The following NKAIN2 variants were observed in gnomAD, a reference collection of about 807,000 sequenced individuals.
The protein encoded by NKAIN2 is sodium/potassium transporting ATPase interacting 2, also known as sodium/potassium-transporting ATPase subunit beta-1-interacting protein 2.
NKAIN2 carries 14 observed loss-of-function variants against 32.6 expected under a neutral mutation model. The observed-to-expected ratio is 0.43, with a 90% confidence interval of 0.28 to 0.67. The LOEUF is 0.67. Ranked by LOEUF, NKAIN2 falls within the 30% of genes least tolerant of loss-of-function variation. NKAIN2 has a pLI of 0.17. For synonymous variants in NKAIN2, 80 were observed against 87.2 expected (o/e 0.92, Z 0.46); for missense variants, 198 against 258.3 (o/e 0.77, Z 1.60).
chr6:124,510,465 G>A (rs958782208), intron 3 of NKAIN2, among the ~76,000 whole-genome samples: 10 of 152,084 alleles, frequency 6.6e-5, no homozygotes, highest in African/African-American at 1.4e-4. Context: ...GCTTAAATGC[G>A]TGCTTTCTCA....
chr6:124,179,305 C>T (rs1027342531), intron 1 of NKAIN2, among the ~76,000 whole-genome samples: 1 of 152,120 alleles, frequency 6.6e-6, no homozygotes, highest in Non-Finnish European at 1.5e-5. Flanking sequence ...TTTACTGTCT[C>T]ATTTAACACT....
At position 124,527,234 on chromosome 6, in the gene NKAIN2, C is replaced by T. The variant is rs139510608; in HGVS notation, c.274-130952C>T. Among the ~76,000 whole-genome samples, 517 of 152,190 alleles carry T rather than the reference C, an allele frequency of 3.4e-3. 4 individuals are homozygous for T. The highest frequency in any genetic ancestry group is 0.015 in the South Asian group (71 of 4,816). On this transcript the variant is annotated intron_variant, in intron 3 of 6. Coordinates refer to ENST00000368417, the MANE Select transcript of NKAIN2 (RefSeq NM_001040214.3). ...ACAAGCCACAAAGATATATATACTC[C>T]GTAACTTGGATTATTGTTCCTTTGT... is the stretch of plus-strand genomic sequence containing the variant.
intron 3 of NKAIN2, among the ~76,000 whole-genome samples, chr6:124,370,568 A>G (rs910643344): frequency 1.3e-5 from 2 of 152,166 alleles, no homozygotes; most frequent in African/African-American, 4.8e-5. Flanking sequence ...TGAAGTAATT[A>G]GGAGCTACGT....
chr6:124,709,900 C>A (rs1487458055), intron 4 of NKAIN2, among the ~76,000 whole-genome samples: 1 of 152,040 alleles, frequency 6.6e-6, no homozygotes, highest in African/African-American at 2.4e-5. Context: ...TCTTGCTTTT[C>A]TAATTCTTTT....
intron 1 of NKAIN2, among the ~76,000 whole-genome samples, chr6:124,192,190 C>T (rs1363543521): frequency 3.3e-5 from 5 of 152,030 alleles, no homozygotes; most frequent in Non-Finnish European, 7.4e-5. Context: ...AATTAGGTCA[C>T]TGCTTTAAAT....
chr6:124,069,158 G>A (rs184728375), intron 1 of NKAIN2, among the ~76,000 whole-genome samples: 392 of 152,172 alleles, frequency 2.6e-3, no homozygotes, highest in Non-Finnish European at 4.4e-3. Flanking sequence ...TCATGTTTCT[G>A]TATTTTACTT....
chr6:124,663,374 T>C (rs1019544084), intron 4 of NKAIN2, among the ~76,000 whole-genome samples: 8 of 151,748 alleles, frequency 5.3e-5, no homozygotes, highest in Non-Finnish European at 1.2e-4. Context: ...GAGGTTGCAG[T>C]GAGCCGAGAT....
chr6:123,814,153 G>A (rs1217738081), intron 1 of NKAIN2, among the ~76,000 whole-genome samples: 1 of 152,144 alleles, frequency 6.6e-6, no homozygotes, highest in African/African-American at 2.4e-5. Flanking sequence ...AAGGCAGGGG[G>A]TGGAGGGATG....
intron 3 of NKAIN2, among the ~76,000 whole-genome samples, chr6:124,538,803 G>A (rs911718409): frequency 7.9e-5 from 12 of 151,804 alleles, no homozygotes; most frequent in East Asian, 1.9e-4. Context: ...TTTCTCATTC[G>A]CTCGGTTTAA....
chr6:124,463,095 C>T (rs968677918), intron 3 of NKAIN2, among the ~76,000 whole-genome samples: 1 of 151,942 alleles, frequency 6.6e-6, no homozygotes, highest in African/African-American at 2.4e-5. Context: ...GAATCAGTTA[C>T]CATTCAAAAG....
chr6:124,510,888 T>C (rs1205856936), intron 3 of NKAIN2, among the ~76,000 whole-genome samples: 1 of 152,236 alleles, frequency 6.6e-6, no homozygotes, highest in Non-Finnish European at 1.5e-5. Flanking sequence ...TCATTTTTTC[T>C]AACATTACCT....
In NKAIN2 at chr6:124,387,294, GTTTT is replaced by G. The variant is rs5879731; in HGVS notation, c.273+31960_273+31963del. Among the ~76,000 whole-genome samples the G allele has an allele frequency of 1.2e-3, 172 of 146,472 alleles. 2 individuals are homozygous for G. The highest frequency in any genetic ancestry group is 5.7e-4 in the Non-Finnish European group (38 of 66,170). ...AAAAAAAGTTTGGACCTAATTAAAG[GTTTT>G]TTTTTTTTTTTTAATCACTGTACTT... On this transcript the variant is annotated intron_variant, in intron 3 of 6. Coordinates refer to ENST00000368417, the MANE Select transcript of NKAIN2 (RefSeq NM_001040214.3).
intron 1 of NKAIN2, among the ~76,000 whole-genome samples, chr6:123,947,822 C>A (rs1036320351): frequency 1.3e-5 from 2 of 152,032 alleles, no homozygotes; most frequent in African/African-American, 4.8e-5. Flanking sequence ...ACTATAGTCA[C>A]CCTACTCTGC....
intron 1 of NKAIN2, among the ~76,000 whole-genome samples, chr6:123,897,610 G>A (rs1243580262): frequency 6.6e-6 from 1 of 152,032 alleles, no homozygotes; most frequent in Non-Finnish European, 1.5e-5. Context: ...CTTTGTGGCT[G>A]GCATGCTTTC....
chr6:124,256,346 T>C (rs1793929393), intron 1 of NKAIN2, among the ~76,000 whole-genome samples: 1 of 152,206 alleles, frequency 6.6e-6, no homozygotes, highest in Non-Finnish European at 1.5e-5. Flanking sequence ...ATATGTGTAA[T>C]TCATAAACTT....
intron 3 of NKAIN2, among the ~76,000 whole-genome samples, chr6:124,365,835 G>A (rs926098506): frequency 1.3e-5 from 2 of 151,956 alleles, no homozygotes; most frequent in African/African-American, 4.8e-5. Context: ...ATAGAATTAA[G>A]CTAGAAAATC....
chr6:124,377,142 G>A (rs1800027692), intron 3 of NKAIN2, among the ~76,000 whole-genome samples: 1 of 152,106 alleles, frequency 6.6e-6, no homozygotes, highest in Non-Finnish European at 1.5e-5. Context: ...ACTAAAAATG[G>A]GTGATATTTA....
intron 3 of NKAIN2, among the ~76,000 whole-genome samples, chr6:124,656,412 C>A (rs547896096): frequency 6.6e-6 from 1 of 151,660 alleles, no homozygotes; most frequent in Non-Finnish European, 1.5e-5. Context: ...CTAACTAACC[C>A]CATCCCTATC....
At chr6:124,340,785 T>A (rs1012992058) in intron 2 of NKAIN2, among the ~76,000 whole-genome samples, 20 of 152,200 alleles carry the variant, frequency 1.3e-4, no homozygotes, top group African/African-American at 4.8e-4. Flanking sequence ...TAATTTATAA[T>A]TGTAGGTGTT....
Sources: allele counts gnomAD v4.1 joint callset (sites outside exome capture counted in the v4.1 genomes callset), GRCh38; gene constraint gnomAD v4.1.1; transcripts MANE v1.5; gene names NCBI Gene and HGNC (gene_info 2026-07-23, HGNC 2026-07-21).